UBAC2: variants seen among roughly 807,000 people sequenced by gnomAD.
The protein encoded by UBAC2 is UBA domain containing 2.
UBAC2 carries 26 observed loss-of-function variants against 44.0 expected under a neutral mutation model. The observed-to-expected ratio is 0.59, with a 90% confidence interval of 0.43 to 0.82. The LOEUF (loss-of-function observed/expected upper bound fraction) is 0.82. Ranked by LOEUF, UBAC2 falls within the 40% of genes least tolerant of loss-of-function variation. The pLI is 0.00. For synonymous variants in UBAC2, 155 were observed against 154.3 expected, an observed-to-expected ratio of 1.00 and a Z score of -0.04; for missense variants, 329 against 419.4, an observed-to-expected ratio of 0.78 and a Z score of 1.88.
chr13:99,312,112 G>T (rs372831753), intron 4 of UBAC2, among the ~76,000 whole-genome samples: 1 of 152,192 alleles, frequency 6.6e-6, no homozygotes, highest in Non-Finnish European at 1.5e-5. Context: ...CATTTGTTTT[G>T]TGTGTGTTGT....
At chr13:99,201,344 A>G (rs2042795051) in intron 1 of UBAC2, 3 of 1,543,572 alleles carry the variant, frequency 1.9e-6, no homozygotes, top group East Asian at 2.4e-5. Flanking sequence ...GGACCGAACT[A>G]ACTCCCCCCG....
intron 7 of UBAC2, chr13:99,351,991 G>C (rs2045099358): frequency 3.0e-6 from 1 of 337,106 alleles, no homozygotes; most frequent in Admixed American, 4.0e-5. Context: ...ATCCTCACTT[G>C]GTAACATTCT....
At chr13:99,221,895 G>T in intron 1 of UBAC2, among the ~76,000 whole-genome samples, 1 of 152,104 alleles carries the variant, frequency 6.6e-6, no homozygotes, top group Admixed American at 6.6e-5. Flanking sequence ...GGAAGCCTTT[G>T]TCTCACCTTT....
chr13:99,295,226 A>G lies in UBAC2; in HGVS notation c.390-18871A>G. The G allele has an allele frequency of 2.5e-6, 4 of 1,614,194 alleles. No homozygotes were observed. Among genetic ancestry groups the G allele is most frequent in the Non-Finnish European group, 3.4e-6 (4 of 1,180,014 alleles). ...ATACCCTTTACATGCAAAGAAGTAG[A>G]TAAAAGGGTCCATGCAGCAATTGAA... On this transcript the variant is annotated intron_variant, in intron 4 of 8. Transcript: ENST00000403766. This position sits in a 1 kb window ranked among gnomAD's most constrained non-coding sequence, Gnocchi z 4.1.
intron 1 of UBAC2, among the ~76,000 whole-genome samples, chr13:99,213,301 T>G (rs2042955262): frequency 6.6e-6 from 1 of 151,810 alleles, no homozygotes; most frequent in Non-Finnish European, 1.5e-5. Flanking sequence ...GTGATCTGCC[T>G]TTCTTGGCCT....
Position 99,373,168 on chromosome 13 carries a change from ATTGTTT to A in UBAC2, c.927+5265_927+5270del, listed in dbSNP as rs796726682. ...CCATTATTCCATCTCTCTCTTTTTT[ATTGTTT>A]TTTTTTTTTTTTTTAAACAGGTATC... On this transcript the variant is annotated intron_variant, in intron 8 of 8. Coordinates refer to ENST00000403766, the MANE Select transcript of UBAC2 (RefSeq NM_001144072.2). 4.2e-3 allele frequency among the ~76,000 whole-genome samples: 349 copies of A among 83,334 alleles called. 4 individuals are homozygous for A. The highest frequency in any genetic ancestry group is 0.019 in the South Asian group (48 of 2,564). 54.7% of individuals were successfully genotyped at this position (83,334 alleles called of 152,430 possible).
chr13:99,377,034 A>G (rs919998145), intron 8 of UBAC2: 2 of 152,326 alleles, frequency 1.3e-5, no homozygotes, highest in Non-Finnish European at 2.9e-5. Flanking sequence ...ACAAGTGTCT[A>G]TCCTAGCACA....
At chr13:99,207,660 T>G (rs1165443603) in intron 1 of UBAC2, among the ~76,000 whole-genome samples, 1 of 152,000 alleles carries the variant, frequency 6.6e-6, no homozygotes, top group Non-Finnish European at 1.5e-5. Flanking sequence ...CCAGATGCAG[T>G]TAGAGAAGTT....
intron 4 of UBAC2, among the ~76,000 whole-genome samples, chr13:99,268,635 G>C (rs200887360): frequency 4.9e-4 from 39 of 79,430 alleles, no homozygotes; most frequent in Admixed American, 4.6e-3. Flanking sequence ...AAAAAAAAAA[G>C]AAACACAAAA....
At position 99,226,509 on chromosome 13, in the gene UBAC2, C is replaced by G. The variant is rs115479151; in HGVS notation, c.32-11918C>G. Among the ~76,000 whole-genome samples the G allele has an allele frequency of 4.1e-3, 618 of 152,296 alleles. 6 individuals are homozygous for G. The highest frequency in any genetic ancestry group is 0.014 in the African/African-American group (584 of 41,552). ...TTTACTATCTTCCACCATTGCCTTA[C>G]TGTAATTTCTTCTCAATTTAGCAAC... On this transcript the variant is annotated intron_variant, in intron 1 of 8. Transcript: ENST00000403766.
intron 7 of UBAC2, among the ~76,000 whole-genome samples, chr13:99,364,788 C>T (rs2045309886): frequency 6.6e-6 from 1 of 152,174 alleles, no homozygotes; most frequent in African/African-American, 2.4e-5. Flanking sequence ...CATTCTGGTT[C>T]ATTCATTCAA....
At chr13:99,213,361 T>G (rs1275125115) in intron 1 of UBAC2, among the ~76,000 whole-genome samples, 14 of 150,896 alleles carry the variant, frequency 9.3e-5, no homozygotes, top group Admixed American at 9.2e-4. Context: ...TATCCATAAC[T>G]TTTTTTTTGT....
intron 6 of UBAC2, among the ~76,000 whole-genome samples, chr13:99,337,920 TG>T (rs2044814662): frequency 6.6e-6 from 1 of 152,078 alleles, no homozygotes; most frequent in Non-Finnish European, 1.5e-5. Context: ...TCTAGTCTTT[TG>T]AACTCTTCTG....
chr13:99,223,594 G>C (rs911801308), intron 1 of UBAC2, among the ~76,000 whole-genome samples: 2 of 108,232 alleles, frequency 1.8e-5, no homozygotes, highest in Non-Finnish European at 3.7e-5. Context: ...CATTATGTGA[G>C]ACCTTTTTTC....
Position 99,273,335 on chromosome 13 carries a change from G to A in UBAC2, c.389+28711G>A, listed in dbSNP as rs1208620854. Among the ~76,000 whole-genome samples the A allele has an allele frequency of 3.9e-5, 6 of 152,142 alleles. No individual in the cohort carries two copies. In the East Asian group the frequency reaches 1.2e-3, roughly 29 times the overall value. Reference sequence around the variant, plus strand: ...TTGGCAGAGTCAGATTAGGTTAAGAGGGGCAGTGAGCACCCAGGATAGAGA... The same window carrying A: ...TTGGCAGAGTCAGATTAGGTTAAGAAGGGCAGTGAGCACCCAGGATAGAGA... On this transcript the variant is annotated intron_variant, in intron 4 of 8. Coordinates refer to ENST00000403766, the MANE Select transcript of UBAC2 (RefSeq NM_001144072.2).
At chr13:99,214,674 C>G (rs2042971303) in intron 1 of UBAC2, among the ~76,000 whole-genome samples, 1 of 152,172 alleles carries the variant, frequency 6.6e-6, no homozygotes, top group African/African-American at 2.4e-5. Context: ...ACCCCAAGCT[C>G]TCTTCTACTT....
chr13:99,371,945 G>T (rs1261344379), intron 8 of UBAC2, among the ~76,000 whole-genome samples: 2 of 152,194 alleles, frequency 1.3e-5, no homozygotes, highest in Non-Finnish European at 2.9e-5. Flanking sequence ...TATTTTTGCT[G>T]TTATTAAGAT....
chr13:99,239,839 G>A (rs1419710280), intron 2 of UBAC2, among the ~76,000 whole-genome samples: 1 of 152,160 alleles, frequency 6.6e-6, no homozygotes, highest in East Asian at 1.9e-4. Context: ...ACATAAGAAC[G>A]TGATCTGTAG....
At chr13:99,326,232 C>T (rs751610777) in intron 6 of UBAC2, among the ~76,000 whole-genome samples, 17 of 152,290 alleles carry the variant, frequency 1.1e-4, no homozygotes, top group Non-Finnish European at 2.4e-4. Context: ...TAATAGCCAT[C>T]CCAGCAGGTG....
Sources: allele counts gnomAD v4.1 joint callset (sites outside exome capture counted in the v4.1 genomes callset), GRCh38; gene constraint gnomAD v4.1.1; non-coding constraint Gnocchi (gnomAD v3.1); transcripts MANE v1.5; gene names NCBI Gene and HGNC (gene_info 2026-07-23, HGNC 2026-07-21).